Variants in ADCY9 observed in about 807,000 individuals in gnomAD.
ADCY9 encodes adenylate cyclase type 9.
A neutral mutation model predicts 101.5 loss-of-function variants in ADCY9; 50 were observed. That is an observed-to-expected ratio of 0.49 (90% CI 0.39 to 0.62). The LOEUF (loss-of-function observed/expected upper bound fraction) is 0.62. ADCY9 is among the 20% of genes least tolerant of loss of function. The pLI, the probability that ADCY9 is intolerant of heterozygous loss-of-function variation, is 0.00. For synonymous variants in ADCY9, 905 were observed against 769.3 expected (o/e 1.18, Z -2.92); for missense variants, 1,662 against 1,800.4 (o/e 0.92, Z 1.39).
intron 7 of ADCY9, 151 bp downstream of exon 7, chr16:3,983,081 G>A: frequency 6.7e-6 from 5 of 747,540 alleles, no homozygotes; most frequent in Non-Finnish European, 1.1e-5. Context: ...CTGGGGCACA[G>A]GGCTCGGGGA....
chr16:4,009,017 G>A (rs2056385838), intron 2 of ADCY9, among the ~76,000 whole-genome samples: 1 of 152,002 alleles, frequency 6.6e-6, no homozygotes, highest in Non-Finnish European at 1.5e-5. Context: ...GAAACCTAGG[G>A]ACTACTTCAT....
chr16:4,084,404 G>A (rs907211370), intron 2 of ADCY9, among the ~76,000 whole-genome samples: 4 of 151,982 alleles, frequency 2.6e-5, no homozygotes, highest in Non-Finnish European at 4.4e-5. Context: ...GAGCCACCGG[G>A]CCCAGCCTCA....
At chr16:3,993,753 C>A (rs1024442953) in intron 3 of ADCY9, among the ~76,000 whole-genome samples, 1 of 152,196 alleles carries the variant, frequency 6.6e-6, no homozygotes, top group African/African-American at 2.4e-5. Flanking sequence ...ACTGACTGAA[C>A]AATGGATCAA....
intron 2 of ADCY9, among the ~76,000 whole-genome samples, chr16:4,028,889 A>T (rs1278702124): frequency 6.6e-6 from 1 of 151,840 alleles, no homozygotes; most frequent in Non-Finnish European, 1.5e-5. Flanking sequence ...GGTTCAAGCA[A>T]TTCTCCTGCC....
intron 2 of ADCY9, among the ~76,000 whole-genome samples, chr16:4,049,655 C>T (rs901247715): frequency 1.2e-4 from 18 of 152,174 alleles, no homozygotes; most frequent in Non-Finnish European, 1.9e-4. Flanking sequence ...CTCCCGCCTC[C>T]AACCCATCCC....
chr16:4,006,218 C>T (rs1027943457), intron 3 of ADCY9, among the ~76,000 whole-genome samples: 8 of 152,088 alleles, frequency 5.3e-5, no homozygotes, highest in African/African-American at 1.7e-4. Flanking sequence ...TGGCAGGTGG[C>T]GGCTAGGGAT....
intron 2 of ADCY9, among the ~76,000 whole-genome samples, chr16:4,050,208 G>A (rs1187897200): frequency 6.6e-6 from 1 of 152,102 alleles, no homozygotes; most frequent in Admixed American, 6.5e-5. Context: ...AGCTGTTACT[G>A]TTATTGTTAG....
chr16:4,053,599 G>A lies in ADCY9; in HGVS notation c.1694-46041C>T, dbSNP rs189163534. Among the ~76,000 whole-genome samples the A allele has an allele frequency of 3.9e-5, 6 of 152,298 alleles. No individual in the cohort carries two copies. In the East Asian group the frequency reaches 9.7e-4, roughly 25 times the overall value. ...CAAGAAGGGCAGGAGTGGACAGCCT[G>A]CACTTTGATGTTTCCCTTTTTTGGA... On this transcript the variant is annotated intron_variant, in intron 2 of 10. Transcript: ENST00000294016.
intron 2 of ADCY9, among the ~76,000 whole-genome samples, chr16:4,079,760 AT>A (rs1320572166): frequency 3.3e-5 from 5 of 151,968 alleles, no homozygotes; most frequent in Admixed American, 2.0e-4. Flanking sequence ...TATATATTTG[AT>A]TTTGAATAAA....
At chr16:3,996,732 C>T (rs2056289557) in intron 3 of ADCY9, among the ~76,000 whole-genome samples, 2 of 152,196 alleles carry the variant, frequency 1.3e-5, no homozygotes, top group African/African-American at 2.4e-5. Context: ...AATTCAATGT[C>T]CTTGATTACA....
At chr16:4,097,914 T>C (rs188951154) in intron 2 of ADCY9, among the ~76,000 whole-genome samples, 39 of 152,310 alleles carry the variant, frequency 2.6e-4, no homozygotes, top group African/African-American at 8.9e-4. Flanking sequence ...TGCCTGGCTA[T>C]ATTCCCAGCG....
chr16:4,113,010 G>A (rs1160792652), intron 2 of ADCY9, among the ~76,000 whole-genome samples: 2 of 152,114 alleles, frequency 1.3e-5, no homozygotes, highest in African/African-American at 4.8e-5. Context: ...CTGAGAGGAT[G>A]AGGGAGGGGA....
chr16:4,039,407 G>A (rs886956814), intron 2 of ADCY9, among the ~76,000 whole-genome samples: 3 of 151,924 alleles, frequency 2.0e-5, no homozygotes, highest in African/African-American at 4.8e-5. Flanking sequence ...GGCCAGGTGC[G>A]GTGGCTCACG....
chr16:4,015,502 T>C (rs1326177095), intron 2 of ADCY9: 2 of 152,304 alleles, frequency 1.3e-5, no homozygotes, highest in Non-Finnish European at 2.9e-5. Context: ...ATCGCTGTCA[T>C]TCATTTGCTC....
intron 2 of ADCY9, among the ~76,000 whole-genome samples, chr16:4,098,854 A>G (rs2057025095): frequency 6.6e-6 from 1 of 152,100 alleles, no homozygotes; most frequent in Non-Finnish European, 1.5e-5. Flanking sequence ...AGTTTGCTGC[A>G]GGACTCCTCA....
At chr16:4,000,192 A>C (rs1419464610) in intron 3 of ADCY9, among the ~76,000 whole-genome samples, 1 of 152,258 alleles carries the variant, frequency 6.6e-6, no homozygotes, top group Non-Finnish European at 1.5e-5. Flanking sequence ...GTGTTCTTTG[A>C]AACTCCTTGT....
intron 7 of ADCY9, 65 bp from the exon 8 acceptor site, chr16:3,979,340 G>T: frequency 6.3e-7 from 1 of 1,579,664 alleles, no homozygotes; most frequent in Admixed American, 1.7e-5. Flanking sequence ...CCAGGAGACA[G>T]GTGCGAGGCC....
intron 3 of ADCY9, 65 bp downstream of exon 3, chr16:4,007,302 CA>C: frequency 7.2e-7 from 1 of 1,390,602 alleles, no homozygotes; most frequent in South Asian, 1.6e-5. Flanking sequence ...CTTATTATTT[CA>C]CGTGCTCTAC....
chr16:3,967,760 C>A (rs535831706), intron 10 of ADCY9, among the ~76,000 whole-genome samples: 1 of 145,638 alleles, frequency 6.9e-6, no homozygotes, highest in African/African-American at 2.6e-5. Flanking sequence ...TGCAGTGGTG[C>A]GATCTTGGCT....
Sources: allele counts gnomAD v4.1 joint callset (sites outside exome capture counted in the v4.1 genomes callset), GRCh38; gene constraint gnomAD v4.1.1; transcripts MANE v1.5; gene names NCBI Gene and HGNC (gene_info 2026-07-23, HGNC 2026-07-21).